Variants in FBLN2 observed in about 807,000 individuals in gnomAD.
FBLN2 encodes fibulin 2.
In FBLN2, 81 loss-of-function variants were observed where a neutral mutation model predicts 123.7. The observed-to-expected ratio is 0.65, with a 90% confidence interval of 0.55 to 0.79. The LOEUF is 0.79. Among genes scored for constraint, FBLN2 ranks in the 30% least tolerant of loss-of-function variants. The probability of loss-of-function intolerance (pLI) is 0.00; values close to 1 mark genes in which losing one functional copy is unlikely to be tolerated. For synonymous variants in FBLN2, 699 were observed against 701.4 expected, an observed-to-expected ratio of 1.00 and a Z score of 0.05; for missense variants, 1,603 against 1,681.3, an observed-to-expected ratio of 0.95 and a Z score of 0.81.
rs1229033654 is a variant in FBLN2, at chr3:13,637,755, G to A, written c.3532G>A (p.Gly1178Ser). 1.2e-6 allele frequency: 2 copies of A among 1,613,828 alleles called. No individual in the cohort carries two copies. Among genetic ancestry groups the A allele is most frequent in the Admixed American group, 3.3e-5 (2 of 60,014 alleles). ...IIKGNEEGYF[G>S]TRRLNAYTGV... The stretch of plus-strand genomic sequence containing the variant: ...CAAGGGCAATGAGGAGGGCTACTTT[G>A]GCACGCGCAGGCTCAATGCCTACAC... Residue 1178 changes from glycine to serine, a missense_variant, in exon 18 of 18, where the codon GGC becomes AGC. Physicochemically the swap from Gly to Ser is moderately conservative, Grantham distance 56. Coordinates refer to ENST00000404922, the MANE Select transcript of FBLN2 (RefSeq NM_001004019.2).
At chr3:13,582,907 AGTT>A (rs753141783) in intron 2 of FBLN2, among the ~76,000 whole-genome samples, 5 of 152,240 alleles carry the variant, frequency 3.3e-5, no homozygotes, top group Non-Finnish European at 5.9e-5. Context: ...GGTGGCCAGA[AGTT>A]GTCCCCTCTG....
At chr3:13,630,543 C>G (rs1301076819) in intron 14 of FBLN2, among the ~76,000 whole-genome samples, 156 bp from the exon 15 acceptor site, 1 of 152,236 alleles carries the variant, frequency 6.6e-6, no homozygotes, top group Admixed American at 6.5e-5. Context: ...TGGATCCCTT[C>G]CCAGTCACCA....
Position 13,570,481 on chromosome 3 carries a change from G to A in FBLN2, c.126G>A (p.Glu42=), listed in dbSNP as rs1032204100. The A allele has an allele frequency of 2.0e-5, 31 of 1,583,136 alleles. No individual in the cohort carries two copies. The highest frequency in any genetic ancestry group is 2.7e-5 in the Non-Finnish European group (31 of 1,165,762). Residue 42 remains glutamate, a synonymous_variant, in exon 2 of 18, where the codon GAG becomes GAA. Coordinates refer to ENST00000404922, the MANE Select transcript of FBLN2 (RefSeq NM_001004019.2). ...DCTGVECPPL[E]NCIEEALEPG... ...CGGGCGTGGAGTGCCCGCCGCTGGA[G>A]AACTGCATTGAGGAGGCGCTGGAGC...
intron 13 of FBLN2, among the ~76,000 whole-genome samples, 182 bp downstream of exon 13, chr3:13,629,474 C>T (rs994455310): frequency 6.6e-6 from 1 of 152,044 alleles, no homozygotes; most frequent in African/African-American, 2.4e-5. Context: ...CTGGCTCTGG[C>T]CCCCGCCCCC....
intron 16 of FBLN2, among the ~76,000 whole-genome samples, chr3:13,634,736 G>A (rs1157447640): frequency 3.9e-5 from 6 of 152,250 alleles, no homozygotes; most frequent in Non-Finnish European, 8.8e-5. Context: ...GAGGTAAATA[G>A]ATGTGAGCTG....
chr3:13,619,768 G>A lies in FBLN2; in HGVS notation c.2092G>A (p.Gly698Ser). ...PCKQVCSTVG[G>S]SAICSCFPGY... ...CAAGCAGGTGTGCAGCACTGTTGGG[G>A]GCTCAGCCATATGCTCCTGTTTTCC... is the stretch of plus-strand genomic sequence containing the variant. Residue 698 changes from glycine to serine, a missense_variant, in exon 8 of 18, where the codon GGC becomes AGC. Coordinates refer to ENST00000404922, the MANE Select transcript of FBLN2 (RefSeq NM_001004019.2). The A allele has an allele frequency of 2.5e-6, 4 of 1,613,320 alleles. No homozygotes were observed. The highest frequency in any genetic ancestry group is 2.2e-5 in the South Asian group (2 of 90,958).
intron 1 of FBLN2, among the ~76,000 whole-genome samples, chr3:13,565,526 C>G (rs751595369): frequency 6.6e-6 from 1 of 152,174 alleles, no homozygotes; most frequent in African/African-American, 2.4e-5. Flanking sequence ...TTTGGGAGGC[C>G]GAGACAGGGT....
chr3:13,567,621 G>A (rs1703788833), intron 1 of FBLN2, among the ~76,000 whole-genome samples: 1 of 152,178 alleles, frequency 6.6e-6, no homozygotes. Context: ...GCCTCCCAAA[G>A]TGCTGGGATT....
Position 13,635,889 on chromosome 3 carries a change from A to T in FBLN2, c.3215-556A>T, listed in dbSNP as rs1706446256. On this transcript the variant is annotated intron_variant, in intron 16 of 17. Coordinates refer to ENST00000404922, the MANE Select transcript of FBLN2 (RefSeq NM_001004019.2). ...AGCCTCGGTGTGTTGCAGAGCATGG[A>T]GCCATAGGAGGATGATAAAATGGGG... is the stretch of plus-strand genomic sequence containing the variant. 2.6e-5 allele frequency among the ~76,000 whole-genome samples: 4 copies of T among 152,162 alleles called. No homozygotes were observed. In the South Asian group the frequency reaches 8.3e-4, roughly 32 times the overall value.
At chr3:13,591,400 A>G (rs1386773039) in intron 2 of FBLN2, among the ~76,000 whole-genome samples, 1 of 152,232 alleles carries the variant, frequency 6.6e-6, no homozygotes, top group Non-Finnish European at 1.5e-5. Context: ...CCAAATTGGA[A>G]TGAAGTATCA....
intron 1 of FBLN2, among the ~76,000 whole-genome samples, chr3:13,553,908 C>T (rs917830876): frequency 2.0e-5 from 3 of 152,198 alleles, no homozygotes; most frequent in South Asian, 2.1e-4. Context: ...GAATCGGGGG[C>T]GCCCCCCTGG....
rs149708695 is a variant in FBLN2 at position 13,603,321 on chromosome 3, T to C, written c.1307-4741T>C. 7.3e-3 allele frequency among the ~76,000 whole-genome samples: 1,112 copies of C among 151,928 alleles called. 15 individuals are homozygous for C. Among genetic ancestry groups the C allele is most frequent in the African/African-American group, 0.025 (1,041 of 41,336 alleles). ...GTTACATATGTATACATGTGCCATG[T>C]TGGTGTGCTGCACCTGTTAACTTGT... On this transcript the variant is annotated intron_variant, in intron 2 of 17. Coordinates refer to ENST00000404922, the MANE Select transcript of FBLN2 (RefSeq NM_001004019.2).
rs201160150 is a variant in FBLN2, at chr3:13,627,833, C to T, written c.2433C>T (p.Asp811=). 4,883 of 1,612,652 alleles carry T rather than the reference C, an allele frequency of 3.0e-3. 13 individuals carry two copies. The highest frequency in any genetic ancestry group is 3.8e-3 in the Non-Finnish European group (4,436 of 1,179,392). Residue 811 remains aspartate, a splice_region_variant and synonymous_variant, in exon 11 of 18, where the codon GAC becomes GAT. Transcript: ENST00000404922. The part of the protein sequence containing the change: ...GYALKDGECE[D]VDECAMGTHT... ...TGACACCCAGCCTCTCCGCTGCAGA[C>T]GTGGATGAGTGTGCGATGGGCACGC...
intron 2 of FBLN2, among the ~76,000 whole-genome samples, chr3:13,594,587 G>T (rs1704783534): frequency 6.6e-6 from 1 of 152,206 alleles, no homozygotes; most frequent in African/African-American, 2.4e-5. Flanking sequence ...CCTGGGTCTT[G>T]GTTTTCCCAG....
rs974039535 is a variant in FBLN2, at chr3:13,608,037, C to T, written c.1307-25C>T. 6 of 1,545,680 alleles carry T rather than the reference C, an allele frequency of 3.9e-6. No homozygotes were observed. The African/African-American group carries it at 5.5e-5, about 14-fold the overall frequency. ...GGACTTGGTGACTTATGAATGGTGA[C>T]TCTGCCTCATGTTGCTATCCACAGG... On this transcript the variant is annotated intron_variant, in intron 2 of 17. Transcript: ENST00000404922.
rs548658944 is a variant in FBLN2, at chr3:13,567,821, A to G, written c.-41-2494A>G. Among the ~76,000 whole-genome samples the G allele has an allele frequency of 2.0e-5, 3 of 152,126 alleles. No individual in the cohort carries two copies. The East Asian group carries it at 5.8e-4, about 30-fold the overall frequency. ...TTGTTAAAAAAAATTAGCTGGGTGTAGTGGTGTGTGCCTGTAGTTCCACCT... is the reference window on the plus strand; with the variant it reads ...TTGTTAAAAAAAATTAGCTGGGTGTGGTGGTGTGTGCCTGTAGTTCCACCT... On this transcript the variant is annotated intron_variant, in intron 1 of 17. Transcript: ENST00000404922.
At chr3:13,585,238 C>G (rs1018519805) in intron 2 of FBLN2, among the ~76,000 whole-genome samples, 1 of 152,226 alleles carries the variant, frequency 6.6e-6, no homozygotes, top group Non-Finnish European at 1.5e-5. Context: ...AGAAGTGTTT[C>G]CTGCTTGGCG....
At chr3:13,627,691 A>G (rs1706095740) in intron 10 of FBLN2, 141 bp from the exon 11 acceptor site, 5 of 1,083,818 alleles carry the variant, frequency 4.6e-6, no homozygotes, top group Admixed American at 3.0e-5. Flanking sequence ...GCCGGCAACA[A>G]TGTGGCTGTG....
chr3:13,609,154 G>A (rs114787098), intron 3 of FBLN2, among the ~76,000 whole-genome samples: 11,116 of 152,264 alleles, frequency 0.073, 1,330 homozygotes, highest in African/African-American at 0.25. Context: ...TGACTGGCAG[G>A]CAGTGACCAG....
Sources: gnomAD v4.1 joint callset for allele counts (sites outside exome capture counted in the v4.1 genomes callset) on GRCh38, gnomAD v4.1.1 for gene constraint, MANE v1.5 for transcripts, NCBI Gene and HGNC (gene_info 2026-07-23, HGNC 2026-07-21) for gene names.